MINK1: variants seen among roughly 807,000 people sequenced by gnomAD.
MINK1 encodes misshapen like kinase 1.
In MINK1, 46 loss-of-function variants were observed where a neutral mutation model predicts 178.4. The observed-to-expected ratio is 0.26, with a 90% CI of 0.20 to 0.33. MINK1 has a LOEUF of 0.33. Among genes scored for constraint, MINK1 ranks in the 10% least tolerant of loss-of-function variants. The probability of loss-of-function intolerance (pLI) is 1.00; values close to 1 mark genes in which losing one functional copy is unlikely to be tolerated. For synonymous variants in MINK1, 797 were observed against 709.7 expected (o/e 1.12, Z -1.96); for missense variants, 1,366 against 1,814.9 (o/e 0.75, Z 4.49).
chr17:4,894,472 G>A lies in MINK1; in HGVS notation c.2809-53G>A. The stretch of plus-strand genomic sequence containing the variant: ...AGCCTGGGGAACAGCAGCAGGGGCA[G>A]GGCCGCAGCTGGACTTGCACTTGTT... On this transcript the variant is annotated intron_variant, in intron 23 of 31. Transcript: ENST00000355280. This position sits in a 1 kb window ranked among gnomAD's most constrained non-coding sequence, Gnocchi z 4.1. The A allele has an allele frequency of 6.6e-7, 1 of 1,519,038 alleles. No individual in the cohort carries two copies. Among genetic ancestry groups the A allele is most frequent in the Non-Finnish European group, 9.0e-7 (1 of 1,115,660 alleles). The allele number at this position is 1,519,038 out of a possible 1,614,324, so 94.1% of individuals were successfully genotyped here. A position where few individuals can be genotyped will look rare whatever the true frequency, so the allele number is the denominator to read the frequency against.
At chr17:4,875,249 T>C (rs1029586624) in intron 1 of MINK1, 9 of 511,228 alleles carry the variant, frequency 1.8e-5, no homozygotes, top group Non-Finnish European at 3.5e-5. Context: ...AGACCTCTTG[T>C]TAGCCCCCTG....
intron 4 of MINK1, among the ~76,000 whole-genome samples, chr17:4,883,504 C>T (rs1192917113): frequency 2.0e-5 from 3 of 150,964 alleles, no homozygotes; most frequent in African/African-American, 7.3e-5. Flanking sequence ...GAGCCCGGCC[C>T]AAAGCAGTAG....
Position 4,893,019 on chromosome 17 carries a change from G to C in MINK1, c.2352G>C (p.Gly784=). The C allele has an allele frequency of 1.3e-6, 2 of 1,579,122 alleles. No homozygotes were observed. Among genetic ancestry groups the C allele is most frequent in the South Asian group, 2.3e-5 (2 of 86,030 alleles). The change falls in exon 20 of 32, where the codon GGG becomes GGC. Residue 784 remains glycine, a synonymous_variant. Transcript: ENST00000355280. ...ACAGCTCCCCTGTGCTCTCCCCTGG[G>C]AATAAAGCCAAGCCCGACGACCACC... ...KPDSSPVLSP[G]NKAKPDDHRS...
rs1274304396 is a variant in MINK1 at position 4,833,353 on chromosome 17, T to G, written c.-231T>G. The G allele has an allele frequency of 2.3e-6, 1 of 442,402 alleles. No individual in the cohort carries two copies. Among genetic ancestry groups the G allele is most frequent in the African/African-American group, 2.1e-5 (1 of 47,344 alleles). The allele number at this position is 442,402 out of a possible 1,614,324, so 27.4% of individuals were successfully genotyped here. A position where few individuals can be genotyped will look rare whatever the true frequency, so the allele number is the denominator to read the frequency against. On this transcript the variant is annotated 5_prime_UTR_variant, in exon 1 of 32. Transcript: ENST00000355280. The surrounding 1 kb of genome is among the most constrained non-coding windows in gnomAD (Gnocchi z 4.8). ...TTCCACCCTCCCAGTGCGCGGTCGC[T>G]CCGCGCCTGCGCAGGAGAGGTGGTA...
intron 31 of MINK1, 163 bp from the exon 32 acceptor site, chr17:4,897,041 C>A: frequency 1.2e-6 from 1 of 865,298 alleles, no homozygotes. Context: ...CCCTAACATC[C>A]CAGCCTGCCT....
chr17:4,850,609 G>A (rs1259742859), intron 1 of MINK1, among the ~76,000 whole-genome samples: 1 of 143,154 alleles, frequency 7.0e-6, no homozygotes, highest in Non-Finnish European at 1.5e-5. Context: ...CTGTCCCCTT[G>A]TCCTTCAGAG....
At chr17:4,845,194 C>T (rs554719196) in intron 1 of MINK1, among the ~76,000 whole-genome samples, 1 of 152,174 alleles carries the variant, frequency 6.6e-6, no homozygotes, top group Non-Finnish European at 1.5e-5. Context: ...CCCCTCCCAG[C>T]TCTAATGCAA....
intron 1 of MINK1, among the ~76,000 whole-genome samples, chr17:4,874,041 C>T (rs1317266279): frequency 6.6e-6 from 1 of 152,162 alleles, no homozygotes; most frequent in Non-Finnish European, 1.5e-5. Flanking sequence ...AACCCCTCTC[C>T]CATGCTCTTT....
chr17:4,836,219 C>G lies in MINK1; in HGVS notation c.57+2579C>G, dbSNP rs1909284767. ...GAGAGGGATGGGAGAGGAACATATT[C>G]AGTATTTATTTGCTGGCCTTAAGGA... is the stretch of plus-strand genomic sequence containing the variant. On this transcript the variant is annotated intron_variant, in intron 1 of 31. Coordinates refer to ENST00000355280, the MANE Select transcript of MINK1 (RefSeq NM_153827.5). This position sits in a 1 kb window ranked among gnomAD's most constrained non-coding sequence, Gnocchi z 4.3. 6.6e-6 allele frequency among the ~76,000 whole-genome samples: 1 copy of G among 152,108 alleles called. No homozygotes were observed. Among genetic ancestry groups the G allele is most frequent in the Non-Finnish European group, 1.5e-5 (1 of 68,018 alleles).
In MINK1 at chr17:4,889,682, G is replaced by T; in HGVS notation, c.1266G>T (p.Gln422His). Residue 422 changes from glutamine to histidine, a missense_variant, in exon 13 of 32, where the codon CAG (glutamine) becomes CAT (histidine). Gln to His is a conservative substitution (Grantham distance 24, BLOSUM62 0). Transcript: ENST00000355280. The stretch of plus-strand genomic sequence containing the variant: ...GGGAGCGGGAGCAGCGGAAGCTGCA[G>T]GAGAAGGAGCAGCAGCGGCGGCTGG... The part of the protein sequence containing the change: ...QRREREQRKL[Q>H]EKEQQRRLED... The T allele has an allele frequency of 1.3e-6, 2 of 1,563,636 alleles. No homozygotes were observed. The highest frequency in any genetic ancestry group is 1.7e-6 in the Non-Finnish European group (2 of 1,156,072).
intron 1 of MINK1, among the ~76,000 whole-genome samples, chr17:4,868,011 C>A (rs1915298564): frequency 1.4e-5 from 2 of 147,040 alleles, no homozygotes; most frequent in Middle Eastern, 3.5e-3. Flanking sequence ...CAGTCTTGCT[C>A]TGTTGCTTAG....
chr17:4,862,562 G>A (rs986407034), intron 1 of MINK1, among the ~76,000 whole-genome samples: 4 of 151,978 alleles, frequency 2.6e-5, no homozygotes, highest in African/African-American at 4.8e-5. Flanking sequence ...GCTGAGGCAG[G>A]AGAACTGCTT....
At chr17:4,892,561 C>T (rs370232719) in intron 18 of MINK1, 49 bp downstream of exon 18, 19 of 1,536,960 alleles carry the variant, frequency 1.2e-5, no homozygotes, top group East Asian at 2.3e-5. Flanking sequence ...TTCTGCCACC[C>T]GCTTCCCTGG....
At chr17:4,877,582 A>G (rs946465638) in intron 1 of MINK1, among the ~76,000 whole-genome samples, 6 of 152,126 alleles carry the variant, frequency 3.9e-5, no homozygotes, top group African/African-American at 1.4e-4. Flanking sequence ...GTAAGATAAT[A>G]ATAATGGTCA....
chr17:4,861,906 C>T (rs1343284636), intron 1 of MINK1, among the ~76,000 whole-genome samples: 3 of 152,184 alleles, frequency 2.0e-5, no homozygotes, highest in Admixed American at 1.3e-4. Flanking sequence ...CAGACTGTTA[C>T]CCCACATGCT....
chr17:4,890,090 TCTTA>T, intron 13 of MINK1: 1 of 433,842 alleles, frequency 2.3e-6, no homozygotes. Context: ...CCTACCTCTC[TCTTA>T]CTCTTCCCCT....
Position 4,892,641 on chromosome 17 carries a change from C to G in MINK1, c.2199-15C>G, listed in dbSNP as rs541289888. On this transcript the variant is annotated splice_polypyrimidine_tract_variant and intron_variant, in intron 18 of 31. Transcript: ENST00000355280. ...GCACCGTGCCTCCCTGACCCTGACT[C>G]TGCCCCCCCAACAGTAACCCCGACC... 1 of 1,588,818 alleles carries G rather than the reference C, an allele frequency of 6.3e-7. No homozygotes were observed. Among genetic ancestry groups the G allele is most frequent in the African/African-American group, 1.3e-5 (1 of 74,592 alleles).
At chr17:4,855,507 G>T (rs1225609222) in intron 1 of MINK1, among the ~76,000 whole-genome samples, 4 of 141,678 alleles carry the variant, frequency 2.8e-5, no homozygotes, top group African/African-American at 1.1e-4. Flanking sequence ...AAAAGGCCGG[G>T]CACAGTGGCT....
intron 1 of MINK1, among the ~76,000 whole-genome samples, chr17:4,839,463 T>G (rs983390145): frequency 1.3e-5 from 2 of 152,214 alleles, no homozygotes; most frequent in African/African-American, 4.8e-5. Flanking sequence ...AGAACAAAAG[T>G]GATCAGGTTA....
Sources: gnomAD v4.1 joint callset for allele counts (sites outside exome capture counted in the v4.1 genomes callset) on GRCh38, gnomAD v4.1.1 for gene constraint, Gnocchi (gnomAD v3.1) non-coding constraint, MANE v1.5 for transcripts, NCBI Gene and HGNC (gene_info 2026-07-23, HGNC 2026-07-21) for gene names.